Variants in EXPH5 observed in about 807,000 individuals in gnomAD.
The protein encoded by EXPH5 is exophilin-5.
A neutral mutation model predicts 41.1 loss-of-function variants in EXPH5; 42 were observed. That is an observed-to-expected ratio of 1.02 (90% CI 0.80 to 1.32). EXPH5 has a LOEUF of 1.32. Ranked by LOEUF, EXPH5 falls within the 40% of genes most tolerant of loss-of-function variation. EXPH5 has a pLI of 0.00. For synonymous variants in EXPH5, 798 were observed against 833.5 expected, an observed-to-expected ratio of 0.96 and a Z score of 0.73; for missense variants, 2,298 against 2,314.5, an observed-to-expected ratio of 0.99 and a Z score of 0.15.
At chr11:108,567,922 TG>T (rs1428575481) in intron 1 of EXPH5, 2 of 152,160 alleles carry the variant, frequency 1.3e-5, no homozygotes, top group Non-Finnish European at 2.9e-5. Flanking sequence ...GCTTACCTGG[TG>T]GGTGTTGGGT....
chr11:108,567,524 G>A lies in EXPH5; in HGVS notation c.120-25712C>T, dbSNP rs7949318. 4.9e-3 allele frequency among the ~76,000 whole-genome samples: 740 copies of A among 152,170 alleles called. 4 individuals are homozygous for A. Among genetic ancestry groups the A allele is most frequent in the African/African-American group, 0.017 (692 of 41,522 alleles). On this transcript the variant is annotated intron_variant, in intron 1 of 5. Transcript: ENST00000265843. Reference sequence around the variant, plus strand: ...CCACCCCTTAAGTACTTAGTCATGCGTAGCCTTATATTCTTGTTTGAATTC... The same window carrying A: ...CCACCCCTTAAGTACTTAGTCATGCATAGCCTTATATTCTTGTTTGAATTC...
intron 3 of EXPH5, among the ~76,000 whole-genome samples, chr11:108,532,657 C>T (rs79710561): frequency 0.088 from 13,296 of 151,844 alleles, 747 homozygotes; most frequent in Middle Eastern, 0.13. Context: ...CAAAACGAAA[C>T]GAAAAACAAA....
chr11:108,569,012 G>A (rs566297744), intron 1 of EXPH5, among the ~76,000 whole-genome samples: 23 of 152,060 alleles, frequency 1.5e-4, no homozygotes, highest in Non-Finnish European at 2.4e-4. Flanking sequence ...CAGCACACAG[G>A]TCCACGTCCC....
At chr11:108,518,472 T>C (rs1399059826) in intron 4 of EXPH5, 99 bp from the exon 5 acceptor site, 1 of 1,046,350 alleles carries the variant, frequency 9.6e-7, no homozygotes, top group African/African-American at 1.6e-5. Context: ...AAAGTATTAG[T>C]CTAAGGACTG....
At chr11:108,585,631 C>CA (rs1304607337) in intron 1 of EXPH5, among the ~76,000 whole-genome samples, 2 of 152,138 alleles carry the variant, frequency 1.3e-5, no homozygotes, top group Admixed American at 1.3e-4. Flanking sequence ...GCCTGAATGA[C>CA]AAAGACAGAG....
intron 3 of EXPH5, among the ~76,000 whole-genome samples, chr11:108,538,395 G>A (rs2093892981): frequency 1.3e-5 from 2 of 152,164 alleles, no homozygotes; most frequent in Non-Finnish European, 2.9e-5. Flanking sequence ...AATGAGTCAA[G>A]TGAACTGATT....
intron 1 of EXPH5, among the ~76,000 whole-genome samples, chr11:108,590,872 C>T (rs1182406712): frequency 6.6e-6 from 1 of 152,182 alleles, no homozygotes; most frequent in African/African-American, 2.4e-5. Flanking sequence ...AGGCTGGTCT[C>T]AAACTCTTGG....
chr11:108,556,281 C>T (rs903956815), intron 1 of EXPH5, among the ~76,000 whole-genome samples: 8 of 151,688 alleles, frequency 5.3e-5, no homozygotes, highest in Non-Finnish European at 8.8e-5. Flanking sequence ...AGTTGTGAAT[C>T]TGCTGTCTTT....
At chr11:108,531,973 T>C (rs922648506) in intron 3 of EXPH5, among the ~76,000 whole-genome samples, 9 of 152,166 alleles carry the variant, frequency 5.9e-5, no homozygotes, top group African/African-American at 1.2e-4. Context: ...AACTATCTTC[T>C]GTGTCCAAGT....
At chr11:108,606,689 C>T in the EXPH5 span, among the ~76,000 whole-genome samples, 8 of 152,100 alleles carry the variant, frequency 5.3e-5, no homozygotes, top group African/African-American at 1.9e-4. Context: ...TATGATTCAC[C>T]CCTGCCTGAT....
intron 1 of EXPH5, among the ~76,000 whole-genome samples, chr11:108,584,990 C>T (rs1410502401): frequency 2.0e-5 from 3 of 152,096 alleles, no homozygotes; most frequent in African/African-American, 7.2e-5. Context: ...AAAATGTTTG[C>T]AAACCTGGTG....
rs773903413 is a variant in EXPH5 at position 108,511,242 on chromosome 11, C to T, written c.4265G>A (p.Ser1422Asn). 2.5e-6 allele frequency: 4 copies of T among 1,606,786 alleles called. No individual in the cohort carries two copies. The highest frequency in any genetic ancestry group is 3.4e-6 in the Non-Finnish European group (4 of 1,178,482). ...AAGAGCTGGAAGACTAGAGGGACCA[C>T]TGTTACTTGAATTAATGGATTGTTG... ...NCQQSINSSN[S>N]GPSSLPALSE... Residue 1422 changes from serine to asparagine, a missense_variant, in exon 6 of 6, where the codon AGT (serine) becomes AAT (asparagine). By Grantham distance (46) the Ser-to-Asn change is conservative (BLOSUM62 1). Transcript: ENST00000265843.
upstream of EXPH5, chr11:108,593,779 G>A (rs2136133612): frequency 1.3e-6 from 2 of 1,534,232 alleles, no homozygotes; most frequent in African/African-American, 1.4e-5. Flanking sequence ...AACGGCTAAA[G>A]GGAGAGAGGG....
Position 108,588,489 on chromosome 11 carries a change from C to G in EXPH5, c.119+4929G>C, listed in dbSNP as rs564845612. 2.6e-5 allele frequency among the ~76,000 whole-genome samples: 4 copies of G among 152,272 alleles called. No homozygotes were observed. The South Asian group carries it at 8.3e-4, about 32-fold the overall frequency. On this transcript the variant is annotated intron_variant, in intron 1 of 5. Coordinates refer to ENST00000265843, the MANE Select transcript of EXPH5 (RefSeq NM_015065.3). ...ACAGTGATTATGTACAGATGGAGTT[C>G]CCAAATCGGACACTCCCTAGCAGTA...
chr11:108,554,824 T>C (rs563215485), intron 1 of EXPH5, among the ~76,000 whole-genome samples: 41 of 152,270 alleles, frequency 2.7e-4, no homozygotes, highest in Non-Finnish European at 1.0e-4. Context: ...CTTGGCTGGC[T>C]GAGGCAGGAG....
At chr11:108,555,468 T>G (rs2093985634) in intron 1 of EXPH5, among the ~76,000 whole-genome samples, 2 of 152,292 alleles carry the variant, frequency 1.3e-5, no homozygotes, top group South Asian at 4.1e-4. Flanking sequence ...GAGACAAAGA[T>G]TCTCACCTTT....
At chr11:108,580,749 T>C (rs2094095585) in intron 1 of EXPH5, among the ~76,000 whole-genome samples, 1 of 152,214 alleles carries the variant, frequency 6.6e-6, no homozygotes, top group Admixed American at 6.5e-5. Flanking sequence ...TTGTCATTTG[T>C]GGCAACATGG....
intron 1 of EXPH5, among the ~76,000 whole-genome samples, chr11:108,573,191 A>AGAAG (rs2094068354): frequency 7.3e-6 from 1 of 137,632 alleles, no homozygotes; most frequent in Non-Finnish European, 1.5e-5. Flanking sequence ...AAAGAAAGAA[A>AGAAG]GAAAGAAAAA....
At chr11:108,568,177 G>GTC (rs1555198205) in intron 1 of EXPH5, 1 of 147,096 alleles carries the variant, frequency 6.8e-6, no homozygotes, top group Middle Eastern at 3.2e-3. Flanking sequence ...ACTTTTTTTG[G>GTC]GAGGGGGGGA....
Sources: allele counts gnomAD v4.1 joint callset (sites outside exome capture counted in the v4.1 genomes callset), GRCh38; gene constraint gnomAD v4.1.1; transcripts MANE v1.5; gene names NCBI Gene and HGNC (gene_info 2026-07-23, HGNC 2026-07-21).